The following CLCN7 variants were observed in gnomAD, a reference collection of about 807,000 sequenced individuals.
CLCN7 encodes Cl-/H+ antiporter 7.
A neutral mutation model predicts 102.1 loss-of-function variants in CLCN7; 60 were observed. The ratio of observed to expected loss-of-function variants is 0.59; its 90% CI spans 0.48 to 0.73. The LOEUF (loss-of-function observed/expected upper bound fraction) is 0.73, where lower values mean the gene tolerates loss of function less well. CLCN7 is among the 30% of genes least tolerant of loss of function. The pLI, the probability that CLCN7 is intolerant of heterozygous loss-of-function variation, is 0.00. For missense variants in CLCN7, 962 were observed against 1,125.7 expected (o/e 0.85, Z 2.08); for synonymous variants, 560 against 490.5 (o/e 1.14, Z -1.87).
At chr16:1,472,244 A>T (rs1567278161) in intron 1 of CLCN7, among the ~76,000 whole-genome samples, 2 of 152,016 alleles carry the variant, frequency 1.3e-5, no homozygotes, top group Non-Finnish European at 2.9e-5. Flanking sequence ...TAGTTTTTTT[A>T]TTTTTATTTT....
At chr16:1,455,639 G>A (rs1347264639) in intron 11 of CLCN7, 92 bp downstream of exon 11, 10 of 1,367,954 alleles carry the variant, frequency 7.3e-6, no homozygotes, top group Non-Finnish European at 1.0e-5. Context: ...TCCAGCCGCA[G>A]CTCGATGGGT....
intron 5 of CLCN7, 79 bp from the exon 6 acceptor site, chr16:1,460,606 G>T: frequency 7.5e-7 from 1 of 1,340,676 alleles, no homozygotes; most frequent in Non-Finnish European, 1.1e-6. Context: ...CCACAGACCA[G>T]CCTGGCAGAT....
chr16:1,448,682 T>G lies in CLCN7; in HGVS notation c.1882A>C (p.Arg628=). Residue 628 remains arginine (R), a splice_region_variant and synonymous_variant, in exon 20 of 25, where the codon AGG becomes CGG. Coordinates refer to ENST00000382745, the MANE Select transcript of CLCN7 (RefSeq NM_001287.6). The part of the protein sequence containing the change: ...APVTSHSLTA[R]EVMSTPVTCL... ...CCACAGGTGTCCTGGGCGCTGTACC[T>G]GGCAGTGAGTGAGTGTGAGGTGACC... 1 of 1,612,636 alleles carries G rather than the reference T, an allele frequency of 6.2e-7. No homozygotes were observed. The highest frequency in any genetic ancestry group is 8.5e-7 in the Non-Finnish European group (1 of 1,179,940).
rs527273638 is a variant in CLCN7, at chr16:1,460,711, C to A, written c.484+105G>T. The A allele has an allele frequency of 3.2e-6, 5 of 1,557,766 alleles. No individual in the cohort carries two copies. In the East Asian group the frequency reaches 9.0e-5, roughly 28 times the overall value. ...AGGGACACAGCCAGCCTGGCCGGGC[C>A]GCCTCCACCTGCACTGGAACACGCT... On this transcript the variant is annotated intron_variant, in intron 5 of 24. Coordinates refer to ENST00000382745, the MANE Select transcript of CLCN7 (RefSeq NM_001287.6).
At chr16:1,455,512 C>G (rs2038821609) in intron 11 of CLCN7, 9 of 666,042 alleles carry the variant, frequency 1.4e-5, no homozygotes, top group East Asian at 2.7e-5. Flanking sequence ...TGATCCCCTA[C>G]CCGGGAGCCA....
intron 1 of CLCN7, among the ~76,000 whole-genome samples, chr16:1,469,349 T>C (rs952707896): frequency 6.6e-6 from 1 of 152,120 alleles, no homozygotes; most frequent in Admixed American, 6.5e-5. Flanking sequence ...GCAAATGTGA[T>C]AAGGAATTAA....
rs769961150 is a variant in CLCN7, at chr16:1,453,902, C to T, written c.1154-8G>A. 6.8e-6 allele frequency: 11 copies of T among 1,612,960 alleles called. No homozygotes were observed. The East Asian group carries it at 1.6e-4, about 23-fold the overall frequency. ...CTGCTCCAAGCACACCGCCTGCGAA[C>T]AGGGGAAAGGCCAGTCAGCGACACC... On this transcript the variant is annotated splice_region_variant and splice_polypyrimidine_tract_variant and intron_variant, in intron 13 of 24. Transcript: ENST00000382745.
chr16:1,455,289 C>T (rs780913299), intron 11 of CLCN7, 39 bp from the exon 12 acceptor site: 7 of 1,283,062 alleles, frequency 5.5e-6, no homozygotes, highest in East Asian at 4.6e-5. Context: ...CTCAGAGCCA[C>T]GCTCCCAGCC....
At chr16:1,450,414 C>G in intron 17 of CLCN7, 83 bp downstream of exon 17, 1 of 1,344,272 alleles carries the variant, frequency 7.4e-7, no homozygotes, top group Non-Finnish European at 1.0e-6. Context: ...TTGTCCTGCC[C>G]TGGGACTTCT....
chr16:1,465,432 A>T (rs931376189), intron 1 of CLCN7, 94 bp from the exon 2 acceptor site: 1 of 1,169,392 alleles, frequency 8.6e-7, no homozygotes, highest in African/African-American at 1.5e-5. Context: ...GCCTCGCCTG[A>T]CCCTGCCCGG....
intron 10 of CLCN7, 61 bp from the exon 11 acceptor site, chr16:1,455,856 A>G: frequency 1.3e-6 from 2 of 1,562,632 alleles, no homozygotes; most frequent in East Asian, 4.5e-5. Flanking sequence ...CCCACCACCA[A>G]CTCCCTCCCC....
intron 1 of CLCN7, among the ~76,000 whole-genome samples, chr16:1,467,193 C>CCAGA (rs370170723): frequency 5.3e-5 from 8 of 152,042 alleles, no homozygotes; most frequent in South Asian, 2.1e-4. Context: ...GGAGCAGAGG[C>CCAGA]CAGACAGACA....
intron 5 of CLCN7, 94 bp from the exon 6 acceptor site, chr16:1,460,621 C>T: frequency 7.7e-7 from 1 of 1,292,688 alleles, no homozygotes; most frequent in Non-Finnish European, 1.1e-6. Context: ...GCAGATGCCA[C>T]CCTGCTGGGT....
intron 7 of CLCN7, 48 bp downstream of exon 7, chr16:1,459,059 C>G (rs765360006): frequency 1.5e-5 from 23 of 1,506,208 alleles, no homozygotes; most frequent in Non-Finnish European, 1.3e-5. Context: ...CCTGAACCAG[C>G]AAAGAGCGGG....
intron 23 of CLCN7, 61 bp downstream of exon 23, chr16:1,447,331 G>A: frequency 6.7e-7 from 1 of 1,490,888 alleles, no homozygotes; most frequent in South Asian, 1.3e-5. Flanking sequence ...CCGAGGCTCT[G>A]GACCCCACCC....
Position 1,465,378 on chromosome 16 carries a change from G to A in CLCN7, c.142-40C>T, listed in dbSNP as rs180834799. The A allele has an allele frequency of 7.7e-5, 120 of 1,549,258 alleles. 1 individual carries two copies. In the East Asian group the frequency reaches 2.0e-3, roughly 25 times the overall value. ...GAAATCATGAGGGCGCTCAGGCGTC[G>A]CACGCTCTGCTCCGTGGATTCTCAC... is the stretch of plus-strand genomic sequence containing the variant. On this transcript the variant is annotated intron_variant, in intron 1 of 24. Transcript: ENST00000382745.
chr16:1,448,373 C>A lies in CLCN7; in HGVS notation c.1995G>T (p.Glu665Asp), dbSNP rs1270436658. 2 of 1,612,678 alleles carry A rather than the reference C, an allele frequency of 1.2e-6. No individual in the cohort carries two copies. The highest frequency in any genetic ancestry group is 1.7e-6 in the Non-Finnish European group (2 of 1,179,982). The change falls in exon 21 of 25, where the codon GAG (glutamate) becomes GAT (aspartate). Residue 665 changes from glutamate (E) to aspartate (D), a missense_variant. Glu to Asp is a conservative substitution (Grantham distance 45). Coordinates refer to ENST00000382745, the MANE Select transcript of CLCN7 (RefSeq NM_001287.6). ...ASNHNGFPVV[E>D]HADDTQPARL... ...CCGGTACCTGGGTGTCATCGGCATG[C>A]TCCACCACGGGGAAGCCGTTGTGAT...
intron 14 of CLCN7, 120 bp downstream of exon 14, chr16:1,453,714 A>G: frequency 2.1e-6 from 2 of 958,112 alleles, no homozygotes; most frequent in South Asian, 1.3e-5. Context: ...AGGACGCTGC[A>G]TACACAGCCT....
chr16:1,447,496 G>A lies in CLCN7; in HGVS notation c.2146C>T (p.Pro716Ser). The change falls in exon 23 of 25, where the codon CCG (proline) becomes TCG (serine). Residue 716 changes from proline to serine, a missense_variant. Coordinates refer to ENST00000382745, the MANE Select transcript of CLCN7 (RefSeq NM_001287.6). ...ATGGACTGGATGGGTGGGAAGCGCG[G>A]GTAGGCGTCTCGGAAGTCCTTCAGC... is the stretch of plus-strand genomic sequence containing the variant. ...LRLKDFRDAY[P>S]RFPPIQSIHV... The A allele has an allele frequency of 6.4e-7, 1 of 1,553,794 alleles. No individual in the cohort carries two copies. The highest frequency in any genetic ancestry group is 8.7e-7 in the Non-Finnish European group (1 of 1,148,926).
Sources: gnomAD v4.1 joint callset for allele counts (sites outside exome capture counted in the v4.1 genomes callset) on GRCh38, gnomAD v4.1.1 for gene constraint, MANE v1.5 for transcripts, NCBI Gene and HGNC (gene_info 2026-07-23, HGNC 2026-07-21) for gene names.